TRIM9: variants seen among roughly 807,000 people sequenced by gnomAD.
TRIM9 encodes E3 ubiquitin-protein ligase TRIM9.
A neutral mutation model predicts 78.3 loss-of-function variants in TRIM9; 26 were observed. The observed-to-expected ratio is 0.33, with a 90% CI of 0.24 to 0.46. The LOEUF (loss-of-function observed/expected upper bound fraction) is 0.46. Ranked by LOEUF, TRIM9 falls within the 20% of genes least tolerant of loss-of-function variation. The pLI, the probability that TRIM9 is intolerant of heterozygous loss-of-function variation, is 1.00. For synonymous variants in TRIM9, 398 were observed against 416.5 expected (o/e 0.96, Z 0.54); for missense variants, 787 against 1,036.4 (o/e 0.76, Z 3.30).
intron 6 of TRIM9, among the ~76,000 whole-genome samples, chr14:50,999,349 G>A (rs955484122): frequency 8.6e-5 from 13 of 150,720 alleles, no homozygotes; most frequent in Non-Finnish European, 1.8e-4. Flanking sequence ...TGACAAATAG[G>A]ATTTTACACA....
chr14:51,034,746 A>G (rs961751251), intron 1 of TRIM9, among the ~76,000 whole-genome samples: 1 of 152,234 alleles, frequency 6.6e-6, no homozygotes, highest in Non-Finnish European at 1.5e-5. Flanking sequence ...CTTACACTAC[A>G]GTTTAGCAGT....
chr14:51,093,502 T>G (rs867030697), intron 1 of TRIM9, among the ~76,000 whole-genome samples: 1 of 152,216 alleles, frequency 6.6e-6, no homozygotes, highest in South Asian at 2.1e-4. Flanking sequence ...GACCGCTGGC[T>G]GCCCTCTCCG....
At chr14:51,074,041 AC>A (rs1274857915) in intron 1 of TRIM9, among the ~76,000 whole-genome samples, 3 of 152,188 alleles carry the variant, frequency 2.0e-5, no homozygotes, top group Non-Finnish European at 4.4e-5. Context: ...TTGCCAGCAC[AC>A]CACTGAATAG....
At chr14:51,054,572 G>C (rs892011842) in intron 1 of TRIM9, among the ~76,000 whole-genome samples, 6 of 151,936 alleles carry the variant, frequency 3.9e-5, no homozygotes, top group African/African-American at 1.2e-4. Context: ...CATTGCCGCC[G>C]GCCAATGCTC....
At chr14:51,081,230 A>G (rs1385403741) in intron 1 of TRIM9, among the ~76,000 whole-genome samples, 1 of 152,250 alleles carries the variant, frequency 6.6e-6, no homozygotes, top group East Asian at 1.9e-4. Context: ...TAAAATAGCC[A>G]ATAAGCACAT....
chr14:51,043,031 G>A (rs190856319), intron 1 of TRIM9, among the ~76,000 whole-genome samples: 99 of 152,286 alleles, frequency 6.5e-4, no homozygotes, highest in Admixed American at 2.0e-3. Flanking sequence ...TTGCTTATAA[G>A]AGGTCCTAAA....
rs541147986 is a variant in TRIM9, at chr14:51,061,833, TTCATCTTTGG to T, written c.822+32275_822+32284del. Among the ~76,000 whole-genome samples, 146 of 152,348 alleles carry T rather than the reference TTCATCTTTGG, an allele frequency of 9.6e-4. 2 individuals are homozygous for T. In the South Asian group the frequency reaches 0.027, roughly 28 times the overall value. On this transcript the variant is annotated intron_variant, in intron 1 of 12. Coordinates refer to ENST00000684578, the MANE Select transcript of TRIM9 (RefSeq NM_001387360.1). ...TTGGATCTGTGAGTTGAAGTAACTC[TTCATCTTTGG>T]AAAATTCCAAGCCATCATATCTTCA...
At chr14:51,078,266 T>C (rs558615229) in intron 1 of TRIM9, among the ~76,000 whole-genome samples, 66 of 152,314 alleles carry the variant, frequency 4.3e-4, no homozygotes, top group Non-Finnish European at 9.0e-4. Flanking sequence ...CTGATAAATA[T>C]GATTTAATAT....
chr14:51,004,571 T>C (rs763459840), intron 5 of TRIM9, among the ~76,000 whole-genome samples: 9 of 152,160 alleles, frequency 5.9e-5, no homozygotes, highest in Non-Finnish European at 1.0e-4. Context: ...GGAACACTAA[T>C]CATAAGGGAT....
intron 7 of TRIM9, among the ~76,000 whole-genome samples, chr14:50,990,348 C>T (rs748847182): frequency 2.6e-5 from 4 of 152,116 alleles, no homozygotes; most frequent in African/African-American, 4.8e-5. Context: ...CATTAGCCAA[C>T]GCTATTGAAC....
intron 1 of TRIM9, among the ~76,000 whole-genome samples, chr14:51,046,155 G>A (rs772931647): frequency 2.0e-5 from 3 of 152,056 alleles, no homozygotes; most frequent in Non-Finnish European, 4.4e-5. Context: ...GATGGGGACA[G>A]GGGTGATGGG....
intron 1 of TRIM9, among the ~76,000 whole-genome samples, chr14:51,054,482 C>T (rs544730537): frequency 1.3e-5 from 2 of 151,686 alleles, no homozygotes; most frequent in East Asian, 2.0e-4. Flanking sequence ...CATTATGTTG[C>T]CTAGGCTAGT....
rs1215191382 is a variant in TRIM9, at chr14:50,982,277, C to T, written c.1859-174G>A. On this transcript the variant is annotated intron_variant, in intron 10 of 12. Transcript: ENST00000684578. The stretch of plus-strand genomic sequence containing the variant: ...ACGTCCTGGGAGTTGGTACTCTCTG[C>T]ACCAGAAGCAGACGGAGGACACACG... 8 of 676,916 alleles carry T rather than the reference C, an allele frequency of 1.2e-5. No homozygotes were observed. The East Asian group carries it at 2.2e-4, about 19-fold the overall frequency. The allele number at this position is 676,916 out of a possible 1,614,324, so 41.9% of individuals were successfully genotyped here. A position where few individuals can be genotyped will look rare whatever the true frequency, so the allele number is the denominator to read the frequency against.
At chr14:51,086,343 A>G (rs960208909) in intron 1 of TRIM9, among the ~76,000 whole-genome samples, 7 of 140,418 alleles carry the variant, frequency 5.0e-5, no homozygotes, top group Admixed American at 2.3e-4. Context: ...TGAAGATTAA[A>G]TGAGAAAATG....
chr14:50,995,876 T>C (rs1218455445), intron 7 of TRIM9, among the ~76,000 whole-genome samples: 2 of 152,234 alleles, frequency 1.3e-5, no homozygotes, highest in Non-Finnish European at 2.9e-5. Context: ...ATAGCATTTT[T>C]CTCACTGATT....
chr14:51,050,655 G>A (rs2060338766), intron 1 of TRIM9, among the ~76,000 whole-genome samples: 2 of 152,188 alleles, frequency 1.3e-5, no homozygotes, highest in African/African-American at 2.4e-5. Flanking sequence ...GAATATGACA[G>A]ATATGATCCT....
chr14:50,984,546 G>A (rs1205719317), intron 8 of TRIM9, among the ~76,000 whole-genome samples: 1 of 152,164 alleles, frequency 6.6e-6, no homozygotes, highest in Non-Finnish European at 1.5e-5. Context: ...AGAGCATAGT[G>A]ACTATGGAAT....
At chr14:51,010,312 T>A (rs932184467) in intron 4 of TRIM9, 72 bp downstream of exon 4, 5 of 1,272,638 alleles carry the variant, frequency 3.9e-6, no homozygotes, top group Non-Finnish European at 5.7e-6. Context: ...CTGTTGGAAG[T>A]CTGACTTAAG....
At chr14:51,043,111 G>A (rs1423745755) in intron 1 of TRIM9, among the ~76,000 whole-genome samples, 1 of 152,132 alleles carries the variant, frequency 6.6e-6, no homozygotes, top group Non-Finnish European at 1.5e-5. Context: ...CTTTGGTTTT[G>A]TGACAATTGT....
Sources: gnomAD v4.1 joint callset for allele counts (sites outside exome capture counted in the v4.1 genomes callset) on GRCh38, gnomAD v4.1.1 for gene constraint, MANE v1.5 for transcripts, NCBI Gene and HGNC (gene_info 2026-07-23, HGNC 2026-07-21) for gene names.